CSNK1D: variants seen among roughly 807,000 people sequenced by gnomAD.
CSNK1D encodes the protein casein kinase 1 delta.
Under a neutral mutation model 46.6 loss-of-function variants are expected in CSNK1D, and 16 were observed. The observed-to-expected ratio is 0.34, with a 90% CI of 0.23 to 0.52. The LOEUF (loss-of-function observed/expected upper bound fraction) is 0.52. CSNK1D is among the 20% of genes least tolerant of loss of function. CSNK1D has a pLI of 0.95. For missense variants in CSNK1D, 398 were observed against 578.4 expected (o/e 0.69, Z 3.20); for synonymous variants, 276 against 228.2 (o/e 1.21, Z -1.89).
intron 8 of CSNK1D, chr17:82,247,702 G>A (rs974587579): frequency 1.0e-6 from 1 of 985,446 alleles, no homozygotes. Context: ...TGTGTCTGGA[G>A]GTGACAGCAG....
intron 2 of CSNK1D, chr17:82,265,286 C>T: frequency 3.1e-6 from 1 of 320,750 alleles, no homozygotes; most frequent in Non-Finnish European, 6.1e-6. Flanking sequence ...TCAGGCGATT[C>T]TCCTGCCTCA....
rs1188258176 is a variant in CSNK1D at position 82,273,376 on chromosome 17, C to T, written c.6G>A (p.Glu2=). 3 of 1,611,298 alleles carry T rather than the reference C, an allele frequency of 1.9e-6. No individual in the cohort carries two copies. Among genetic ancestry groups the T allele is most frequent in the Admixed American group, 3.3e-5 (2 of 59,966 alleles). The change falls in exon 1 of 9, where the codon GAG becomes GAA. Residue 2 remains glutamate (E), a synonymous_variant. Coordinates refer to ENST00000314028, the MANE Select transcript of CSNK1D (RefSeq NM_001893.6). This position sits in a 1 kb window ranked among gnomAD's most constrained non-coding sequence, Gnocchi z 5.1. ...GCCGGTACCTGTTCCCGACTCTCAGCTCCATGGCGGCGGCGGCCCGATTCG... is the reference window on the plus strand; with the variant it reads ...GCCGGTACCTGTTCCCGACTCTCAGTTCCATGGCGGCGGCGGCCCGATTCG... The part of the protein sequence containing the change: M[E]LRVGNRYRLG...
At chr17:82,242,626 C>G (rs1393185771), downstream of CSNK1D, 1 of 983,712 alleles carries the variant, frequency 1.0e-6, no homozygotes, top group African/African-American at 1.7e-5. Flanking sequence ...TGAAAACTCT[C>G]AAGCTGATGA....
chr17:82,259,553 A>G (rs1299982760), intron 2 of CSNK1D, among the ~76,000 whole-genome samples: 1 of 152,216 alleles, frequency 6.6e-6, no homozygotes, highest in African/African-American at 2.4e-5. Flanking sequence ...GCAGAACTGG[A>G]CATTTGCACG....
At chr17:82,245,065 G>T in intron 8 of CSNK1D, 1 of 625,894 alleles carries the variant, frequency 1.6e-6, no homozygotes, top group Non-Finnish European at 2.8e-6. Context: ...AGGTGCCCGC[G>T]GAGCCGGGCT....
intron 1 of CSNK1D, among the ~76,000 whole-genome samples, chr17:82,268,892 G>A (rs957903932): frequency 4.6e-5 from 7 of 151,994 alleles, no homozygotes; most frequent in Admixed American, 2.0e-4. Flanking sequence ...TCAGGCATTC[G>A]AGACCAGCCT....
At chr17:82,244,991 C>T in intron 8 of CSNK1D, 160 bp from the exon 9 acceptor site, 1 of 861,164 alleles carries the variant, frequency 1.2e-6, no homozygotes, top group South Asian at 1.4e-5. Context: ...GCCTCTGTGG[C>T]TGGGACACGT....
In CSNK1D at chr17:82,273,483, G is replaced by A. The variant is rs2051695694; in HGVS notation, c.-102C>T. The A allele has an allele frequency of 1.4e-6, 2 of 1,428,882 alleles. No homozygotes were observed. The highest frequency in any genetic ancestry group is 9.6e-7 in the Non-Finnish European group (1 of 1,042,184). 88.5% of individuals were successfully genotyped at this position (1,428,882 alleles called of 1,614,324 possible). A position where few individuals can be genotyped will look rare whatever the true frequency, so the allele number is the denominator to read the frequency against. ...GCCGCTACTGCGGGTCCGGCTCCCG[G>A]CTCCGCCCCCCTCACGGCCCCGCTT... On this transcript the variant is annotated 5_prime_UTR_variant, in exon 1 of 9. Coordinates refer to ENST00000314028, the MANE Select transcript of CSNK1D (RefSeq NM_001893.6). This position sits in a 1 kb window ranked among gnomAD's most constrained non-coding sequence, Gnocchi z 5.1.
Position 82,260,143 on chromosome 17 carries a change from A to C in CSNK1D, c.188-4566T>G, listed in dbSNP as rs564348553. Among the ~76,000 whole-genome samples, 4 of 147,246 alleles carry C rather than the reference A, an allele frequency of 2.7e-5. No homozygotes were observed. The South Asian group carries it at 8.6e-4, about 32-fold the overall frequency. On this transcript the variant is annotated intron_variant, in intron 2 of 8. Transcript: ENST00000314028. ...GATGTGACTGATGGTGTACTGAGTG[A>C]TGTGACTGATGGTGTACTGACTGAT...
At chr17:82,257,760 G>A (rs931505795) in intron 2 of CSNK1D, among the ~76,000 whole-genome samples, 2 of 152,248 alleles carry the variant, frequency 1.3e-5, no homozygotes, top group Non-Finnish European at 2.9e-5. Flanking sequence ...GGAGCCTGCA[G>A]AATGTGGAAG....
rs1432343801 is a variant in CSNK1D, at chr17:82,242,953, C to T, written c.*1828G>A. Reference sequence around the variant, plus strand: ...GGACCACAGATATTTACAAAGCAAGCTTGCGCCACTTCAGGCCACAGCGCG... The same window carrying T: ...GGACCACAGATATTTACAAAGCAAGTTTGCGCCACTTCAGGCCACAGCGCG... On this transcript the variant is annotated 3_prime_UTR_variant, in exon 9 of 9. Coordinates refer to ENST00000314028, the MANE Select transcript of CSNK1D (RefSeq NM_001893.6). 2.0e-6 allele frequency: 2 copies of T among 985,260 alleles called. No homozygotes were observed. The highest frequency in any genetic ancestry group is 2.4e-6 in the Non-Finnish European group (2 of 829,868). 61.0% of individuals were successfully genotyped at this position (985,260 alleles called of 1,614,324 possible). A position where few individuals can be genotyped will look rare whatever the true frequency, so the allele number is the denominator to read the frequency against.
rs1195563862 is a variant in CSNK1D, at chr17:82,249,660, G to C, written c.886-58C>G. 3 of 1,539,844 alleles carry C rather than the reference G, an allele frequency of 1.9e-6. No homozygotes were observed. Among genetic ancestry groups the C allele is most frequent in the Non-Finnish European group, 2.6e-6 (3 of 1,148,306 alleles). ...CCAGCTTTGGCAGAAAGCAACCCTA[G>C]GTCCTAGGCTGCCCCGGCCACGTGA... On this transcript the variant is annotated intron_variant, in intron 6 of 8. Transcript: ENST00000314028. This position sits in a 1 kb window ranked among gnomAD's most constrained non-coding sequence, Gnocchi z 6.7.
At chr17:82,247,201 T>C in intron 8 of CSNK1D, 4 of 985,438 alleles carry the variant, frequency 4.1e-6, no homozygotes, top group Non-Finnish European at 4.8e-6. Flanking sequence ...CACGTTGTAT[T>C]TCCTCATATG....
chr17:82,266,454 A>T (rs1330353692), intron 1 of CSNK1D, among the ~76,000 whole-genome samples: 1 of 152,220 alleles, frequency 6.6e-6, no homozygotes, highest in Non-Finnish European at 1.5e-5. Context: ...CACATCTTTC[A>T]TCAGTCTATG....
At chr17:82,241,069 G>A (rs1235226615), downstream of CSNK1D, among the ~76,000 whole-genome samples, 1 of 152,034 alleles carries the variant, frequency 6.6e-6, no homozygotes, top group Non-Finnish European at 1.5e-5. Flanking sequence ...CTACCGTGTT[G>A]TGAAGATCCC....
intron 3 of CSNK1D, chr17:82,254,785 G>A (rs1431881099): frequency 4.0e-5 from 10 of 250,362 alleles, no homozygotes; most frequent in Non-Finnish European, 6.5e-5. Flanking sequence ...CCGGAGCCTC[G>A]AGAAGCCAGT....
At chr17:82,253,899 C>T (rs1458821844) in intron 3 of CSNK1D, 1 of 243,092 alleles carries the variant, frequency 4.1e-6, no homozygotes, top group Non-Finnish European at 7.8e-6. Flanking sequence ...TGAGCTGAGC[C>T]GCCGGAGCCT....
In CSNK1D at chr17:82,273,671, T is replaced by G. The variant is rs897760140; in HGVS notation, c.-290A>C. ...TTCCGGGCCTAAATCCCCTTTCAGC[T>G]GCCTAAAGGAGCCGCCGCCATCGCG... is the stretch of plus-strand genomic sequence containing the variant. On this transcript the variant is annotated 5_prime_UTR_variant, in exon 1 of 9. Coordinates refer to ENST00000314028, the MANE Select transcript of CSNK1D (RefSeq NM_001893.6). This position sits in a 1 kb window ranked among gnomAD's most constrained non-coding sequence, Gnocchi z 5.1. 3.5e-5 allele frequency: 18 copies of G among 512,456 alleles called. No homozygotes were observed. The South Asian group carries it at 4.8e-4, about 14-fold the overall frequency. 31.7% of individuals were successfully genotyped at this position (512,456 alleles called of 1,614,324 possible).
In CSNK1D at chr17:82,254,884, G is replaced by A. The variant is rs2051129320; in HGVS notation, c.336+545C>T. Reference sequence around the variant, plus strand: ...TGTGCTGAGCCGCCGGGGGCCTCGAGAAGCCAGTCAGCTGAGCCGCCGGGG... The same window carrying A: ...TGTGCTGAGCCGCCGGGGGCCTCGAAAAGCCAGTCAGCTGAGCCGCCGGGG... On this transcript the variant is annotated intron_variant, in intron 3 of 8. Transcript: ENST00000314028. Among the ~76,000 whole-genome samples, 4 of 126,722 alleles carry A rather than the reference G, an allele frequency of 3.2e-5. No individual in the cohort carries two copies. The South Asian group carries it at 1.0e-3, about 33-fold the overall frequency. 83.1% of individuals were successfully genotyped at this position (126,722 alleles called of 152,430 possible).
Sources: allele counts gnomAD v4.1 joint callset (sites outside exome capture counted in the v4.1 genomes callset), GRCh38; gene constraint gnomAD v4.1.1; non-coding constraint Gnocchi (gnomAD v3.1); transcripts MANE v1.5; gene names NCBI Gene and HGNC (gene_info 2026-07-23, HGNC 2026-07-21).